The following LUZP2 variants were observed in gnomAD, a reference collection of about 807,000 sequenced individuals.
LUZP2 encodes leucine zipper protein 2.
LUZP2 carries 52 observed loss-of-function variants against 51.6 expected under a neutral mutation model. The ratio of observed to expected loss-of-function variants is 1.01; its 90% CI spans 0.81 to 1.27. The LOEUF is 1.27. Among genes scored for constraint, LUZP2 ranks in the 50% most tolerant of loss-of-function variants. LUZP2 has a pLI of 0.00. For missense variants in LUZP2, 436 were observed against 395.4 expected, an observed-to-expected ratio of 1.10 and a Z score of -0.87; for synonymous variants, 154 against 137.3, an observed-to-expected ratio of 1.12 and a Z score of -0.85.
chr11:24,904,836 A>T (rs571191603), intron 5 of LUZP2, among the ~76,000 whole-genome samples: 67 of 152,280 alleles, frequency 4.4e-4, no homozygotes, highest in Admixed American at 2.2e-3. Context: ...AATGGACTAA[A>T]AAAAGACTCA....
intron 1 of LUZP2, among the ~76,000 whole-genome samples, chr11:24,596,272 A>C (rs16912903): frequency 0.016 from 2,436 of 152,166 alleles, 27 homozygotes; most frequent in Admixed American, 0.024. Flanking sequence ...ACTATTTCCT[A>C]TGTGTCTACA....
At chr11:24,506,991 CAG>C (rs1249125311) in intron 1 of LUZP2, among the ~76,000 whole-genome samples, 1 of 152,024 alleles carries the variant, frequency 6.6e-6, no homozygotes, top group African/African-American at 2.4e-5. Context: ...ATAGGTGAGA[CAG>C]AGTACATTAA....
intron 5 of LUZP2, chr11:24,785,969 T>A (rs182926561): frequency 1.4e-3 from 1,333 of 985,296 alleles, no homozygotes; most frequent in Non-Finnish European, 1.5e-3. Context: ...ATTATTTGAG[T>A]TTGGACTTAC....
At chr11:24,798,220 T>C (rs2134109773) in intron 5 of LUZP2, among the ~76,000 whole-genome samples, 1 of 151,918 alleles carries the variant, frequency 6.6e-6, no homozygotes, top group South Asian at 2.1e-4. Context: ...TTATTATTTA[T>C]GTATTTATCT....
chr11:24,982,326 C>G (rs1306991339), intron 8 of LUZP2, among the ~76,000 whole-genome samples: 1 of 151,766 alleles, frequency 6.6e-6, no homozygotes, highest in Non-Finnish European at 1.5e-5. Flanking sequence ...CATTGCAGCA[C>G]TATTCACAAT....
chr11:24,504,359 T>C (rs976136352), intron 1 of LUZP2, among the ~76,000 whole-genome samples: 16 of 152,168 alleles, frequency 1.1e-4, no homozygotes, highest in Non-Finnish European at 1.8e-4. Context: ...TTCTCTACAC[T>C]GTCGTCACAG....
intron 1 of LUZP2, among the ~76,000 whole-genome samples, chr11:24,615,652 GGATA>G (rs945956233): frequency 6.6e-6 from 1 of 151,748 alleles, no homozygotes; most frequent in Non-Finnish European, 1.5e-5. Flanking sequence ...CACTTATTTG[GGATA>G]GATGCCCAGG....
intron 7 of LUZP2, among the ~76,000 whole-genome samples, chr11:24,945,295 G>A (rs1454499613): frequency 1.3e-5 from 2 of 152,178 alleles, no homozygotes; most frequent in South Asian, 2.1e-4. Flanking sequence ...GATACAGAGA[G>A]ATGTTTCCAA....
rs1479814276 is a variant in LUZP2, at chr11:25,079,537, C to T, written c.*879C>T. 1 of 151,950 alleles carries T rather than the reference C, an allele frequency of 6.6e-6. No individual in the cohort carries two copies. Among genetic ancestry groups the T allele is most frequent in the East Asian group, 1.9e-4 (1 of 5,176 alleles). 9.4% of individuals were successfully genotyped at this position (151,950 alleles called of 1,614,324 possible). ...CAATAGCCATGTTGATTCAATAAAC[C>T]CAGATGCATATTTTTTGAAAACCAA... On this transcript the variant is annotated 3_prime_UTR_variant, in exon 12 of 12. Transcript: ENST00000336930.
intron 1 of LUZP2, among the ~76,000 whole-genome samples, chr11:24,657,165 G>GT (rs1398608511): frequency 6.6e-6 from 1 of 152,162 alleles, no homozygotes; most frequent in African/African-American, 2.4e-5. Context: ...GGCTATTGTA[G>GT]TAGTCATGTT....
intron 5 of LUZP2, among the ~76,000 whole-genome samples, chr11:24,880,348 CA>C (rs1274555308): frequency 8.6e-6 from 1 of 115,954 alleles, no homozygotes; most frequent in Non-Finnish European, 2.0e-5. Context: ...ATTGGTAATT[CA>C]ACACTGTTTT....
intron 7 of LUZP2, among the ~76,000 whole-genome samples, chr11:24,968,353 T>C (rs1166622752): frequency 6.6e-6 from 1 of 152,142 alleles, no homozygotes; most frequent in Non-Finnish European, 1.5e-5. Flanking sequence ...TAAAGGTGGT[T>C]GTGTTTTAAT....
rs146802058 is a variant in LUZP2, at chr11:24,630,580, A to G, written c.63-98589A>G. 9.5e-3 allele frequency among the ~76,000 whole-genome samples: 1,433 copies of G among 151,398 alleles called. 22 individuals are homozygous for G. Among genetic ancestry groups the G allele is most frequent in the African/African-American group, 0.031 (1,291 of 41,350 alleles). On this transcript the variant is annotated intron_variant, in intron 1 of 11. Transcript: ENST00000336930. The stretch of plus-strand genomic sequence containing the variant: ...CATTAATGCCAGTATCATACTGTTT[A>G]GGTTACTATAGCCTTGTAACATAAT...
intron 5 of LUZP2, among the ~76,000 whole-genome samples, chr11:24,776,575 A>T (rs376349454): frequency 6.6e-6 from 1 of 152,214 alleles, no homozygotes; most frequent in African/African-American, 2.4e-5. Flanking sequence ...TTCAAATCAT[A>T]GAATGCAGTA....
intron 4 of LUZP2, among the ~76,000 whole-genome samples, chr11:24,745,626 C>A (rs1859350719): frequency 6.6e-6 from 1 of 152,056 alleles, no homozygotes; most frequent in African/African-American, 2.4e-5. Context: ...CTCCTGAAGG[C>A]AGCAGATGGT....
chr11:24,539,961 A>G (rs1851305030), intron 1 of LUZP2, among the ~76,000 whole-genome samples: 1 of 151,910 alleles, frequency 6.6e-6, no homozygotes, highest in African/African-American at 2.4e-5. Context: ...GTATGTATAC[A>G]TGTGTGTACA....
chr11:24,961,149 G>A (rs1855386944), intron 7 of LUZP2, among the ~76,000 whole-genome samples: 1 of 152,128 alleles, frequency 6.6e-6, no homozygotes, highest in African/African-American at 2.4e-5. Flanking sequence ...CATTTGCTGA[G>A]GAGAGCTTTA....
rs562968289 is a variant in LUZP2, at chr11:24,876,413, T to A, written c.397-29578T>A. 6.1e-3 allele frequency among the ~76,000 whole-genome samples: 913 copies of A among 149,700 alleles called. 8 individuals carry two copies. The highest frequency in any genetic ancestry group is 0.021 in the African/African-American group (862 of 40,488). Reference sequence around the variant, plus strand: ...GTCAAAGATGAGATAGTTGTAGATATGCGGCGTTATTTCTGAGGGCTCTGC... The same window carrying A: ...GTCAAAGATGAGATAGTTGTAGATAAGCGGCGTTATTTCTGAGGGCTCTGC... On this transcript the variant is annotated intron_variant, in intron 5 of 11. Transcript: ENST00000336930.
At chr11:24,803,119 A>G (rs1849741453) in intron 5 of LUZP2, among the ~76,000 whole-genome samples, 2 of 152,062 alleles carry the variant, frequency 1.3e-5, no homozygotes, top group Admixed American at 6.6e-5. Flanking sequence ...TTTGCAAATT[A>G]TGTTTGACAA....
Sources: allele counts gnomAD v4.1 joint callset (sites outside exome capture counted in the v4.1 genomes callset), GRCh38; gene constraint gnomAD v4.1.1; transcripts MANE v1.5; gene names NCBI Gene and HGNC (gene_info 2026-07-23, HGNC 2026-07-21).